Variants in SLC9A9 observed in about 807,000 individuals in gnomAD.
SLC9A9 encodes the protein sodium/hydrogen exchanger 9.
SLC9A9 carries 62 observed loss-of-function variants against 77.8 expected under a neutral mutation model. That is an observed-to-expected ratio of 0.80 (90% CI 0.65 to 0.98). The LOEUF (loss-of-function observed/expected upper bound fraction) is 0.98, where lower values mean the gene tolerates loss of function less well. SLC9A9 is among the 50% of genes least tolerant of loss of function. The pLI, the probability that SLC9A9 is intolerant of heterozygous loss-of-function variation, is 0.00. For synonymous variants in SLC9A9, 320 were observed against 283.5 expected, an observed-to-expected ratio of 1.13 and a Z score of -1.29; for missense variants, 775 against 774.9, an observed-to-expected ratio of 1.00 and a Z score of 0.00.
chr3:143,670,601 G>A (rs1200715077), intron 5 of SLC9A9, among the ~76,000 whole-genome samples: 1 of 152,166 alleles, frequency 6.6e-6, no homozygotes, highest in African/African-American at 2.4e-5. Context: ...TCTTCCAGCT[G>A]AGCTGTTATC....
chr3:143,753,837 C>T (rs2006826248), intron 4 of SLC9A9, among the ~76,000 whole-genome samples: 1 of 152,038 alleles, frequency 6.6e-6, no homozygotes, highest in South Asian at 2.1e-4. Flanking sequence ...TGTTCTAATA[C>T]TTTATATAAG....
intron 9 of SLC9A9, chr3:143,517,958 G>C: frequency 6.8e-7 from 1 of 1,461,562 alleles, no homozygotes; most frequent in Non-Finnish European, 9.5e-7. Context: ...ATCAGTGTCT[G>C]GTTCAATCAC....
intron 15 of SLC9A9, among the ~76,000 whole-genome samples, chr3:143,267,885 C>A (rs1390617383): frequency 2.0e-5 from 3 of 152,302 alleles, no homozygotes; most frequent in African/African-American, 7.2e-5. Context: ...TGGGCCCTTG[C>A]CGGGGGATTT....
At chr3:143,315,860 T>A (rs760332667) in intron 14 of SLC9A9, among the ~76,000 whole-genome samples, 1 of 152,250 alleles carries the variant, frequency 6.6e-6, no homozygotes, top group Non-Finnish European at 1.5e-5. Flanking sequence ...CATGGCCCTA[T>A]GCTGTGAAGA....
chr3:143,325,077 GAAA>G (rs74269489), intron 14 of SLC9A9, among the ~76,000 whole-genome samples: 7 of 77,992 alleles, frequency 9.0e-5, no homozygotes, highest in African/African-American at 2.9e-4. Context: ...TTATTAACCA[GAAA>G]AAAAAAAAAA....
intron 12 of SLC9A9, among the ~76,000 whole-genome samples, chr3:143,454,139 A>G (rs1469381345): frequency 6.6e-6 from 1 of 152,208 alleles, no homozygotes; most frequent in African/African-American, 2.4e-5. Flanking sequence ...TAAGTTTTCC[A>G]GTCTTAGGTA....
intron 9 of SLC9A9, among the ~76,000 whole-genome samples, chr3:143,542,375 C>T (rs1293488029): frequency 6.6e-5 from 10 of 152,038 alleles, no homozygotes; most frequent in Non-Finnish European, 1.5e-5. Context: ...AAAGGCAATT[C>T]TATGCTTTAT....
At chr3:143,663,698 A>C (rs978273467) in intron 5 of SLC9A9, among the ~76,000 whole-genome samples, 8 of 152,244 alleles carry the variant, frequency 5.3e-5, no homozygotes, top group East Asian at 1.9e-4. Context: ...GATTCCATCA[A>C]GTGGAAGAAA....
chr3:143,727,229 C>A (rs1440884993), intron 4 of SLC9A9, among the ~76,000 whole-genome samples: 8 of 152,106 alleles, frequency 5.3e-5, no homozygotes, highest in Non-Finnish European at 1.2e-4. Flanking sequence ...TGAGATGAGA[C>A]AACCATTGAA....
At chr3:143,515,211 C>A (rs956321065) in intron 9 of SLC9A9, among the ~76,000 whole-genome samples, 1 of 152,178 alleles carries the variant, frequency 6.6e-6, no homozygotes, top group Admixed American at 6.5e-5. Context: ...CTTATATGAA[C>A]ATGGTTCATA....
At chr3:143,783,668 C>G (rs926241566) in intron 4 of SLC9A9, among the ~76,000 whole-genome samples, 1 of 152,038 alleles carries the variant, frequency 6.6e-6, no homozygotes, top group Admixed American at 6.5e-5. Flanking sequence ...TCATAAAGCT[C>G]TAAAGCACAT....
chr3:143,407,899 A>G (rs1379684027), intron 12 of SLC9A9, among the ~76,000 whole-genome samples: 2 of 152,236 alleles, frequency 1.3e-5, no homozygotes, highest in East Asian at 3.8e-4. Flanking sequence ...AAATTACCAT[A>G]AACTGGAAAT....
intron 12 of SLC9A9, among the ~76,000 whole-genome samples, chr3:143,414,411 T>G (rs888390208): frequency 3.9e-5 from 6 of 152,258 alleles, no homozygotes; most frequent in African/African-American, 1.4e-4. Context: ...TTTAACAAAC[T>G]GCAAGTTTGT....
At chr3:143,779,154 T>C (rs1208049421) in intron 4 of SLC9A9, among the ~76,000 whole-genome samples, 1 of 152,198 alleles carries the variant, frequency 6.6e-6, no homozygotes, top group Non-Finnish European at 1.5e-5. Flanking sequence ...ACTGTTATTA[T>C]TTATCACATC....
intron 6 of SLC9A9, among the ~76,000 whole-genome samples, chr3:143,646,642 A>T (rs1297935630): frequency 6.6e-6 from 1 of 152,128 alleles, no homozygotes; most frequent in Admixed American, 6.5e-5. Context: ...GCTCAAATCA[A>T]TGCATTCATC....
chr3:143,688,350 C>T (rs1324618336), intron 5 of SLC9A9, among the ~76,000 whole-genome samples: 1 of 152,006 alleles, frequency 6.6e-6, no homozygotes, highest in African/African-American at 2.4e-5. Flanking sequence ...GACTACAACT[C>T]AGTTGTGTTT....
chr3:143,363,625 T>C, intron 13 of SLC9A9, 62 bp from the exon 14 acceptor site: 4 of 1,450,442 alleles, frequency 2.8e-6, no homozygotes, highest in Non-Finnish European at 9.6e-7. Context: ...AATATAAAAA[T>C]ACATGTCAAA....
chr3:143,833,659 G>A (rs2361203), intron 1 of SLC9A9, among the ~76,000 whole-genome samples: 144,003 of 151,846 alleles, frequency 0.95, 68,421 homozygotes, highest in East Asian at 1. Context: ...CAGGATCTAC[G>A]CTCTCCCTGT....
chr3:143,532,573 G>A (rs906758073), intron 9 of SLC9A9, among the ~76,000 whole-genome samples: 1 of 151,986 alleles, frequency 6.6e-6, no homozygotes, highest in Non-Finnish European at 1.5e-5. Flanking sequence ...TTTGTACCAC[G>A]AATTTTTATA....
Sources: allele counts gnomAD v4.1 joint callset (sites outside exome capture counted in the v4.1 genomes callset), GRCh38; gene constraint gnomAD v4.1.1; transcripts MANE v1.5; gene names NCBI Gene and HGNC (gene_info 2026-07-23, HGNC 2026-07-21).